Variants in GALNT18 observed in about 807,000 individuals in gnomAD.
GALNT18 encodes the protein GalNAc-transferase 18.
In GALNT18, 44 loss-of-function variants were observed where a neutral mutation model predicts 69.5. The observed-to-expected ratio is 0.63, with a 90% confidence interval of 0.50 to 0.81. The LOEUF (loss-of-function observed/expected upper bound fraction) is 0.81, where lower values mean the gene tolerates loss of function less well. Among genes scored for constraint, GALNT18 ranks in the 40% least tolerant of loss-of-function variants. The probability of loss-of-function intolerance (pLI) is 0.00; values close to 1 mark genes in which losing one functional copy is unlikely to be tolerated. For missense variants in GALNT18, 715 were observed against 810.0 expected (o/e 0.88, Z 1.42); for synonymous variants, 364 against 318.2 (o/e 1.14, Z -1.53).
Position 11,621,713 on chromosome 11 carries a change from C to A in GALNT18, c.-120G>T. The A allele has an allele frequency of 1.4e-6, 1 of 713,258 alleles. No homozygotes were observed. The highest frequency in any genetic ancestry group is 2.3e-6 in the Non-Finnish European group (1 of 432,912). The allele number at this position is 713,258 out of a possible 1,614,324, so 44.2% of individuals were successfully genotyped here. A position where few individuals can be genotyped will look rare whatever the true frequency, so the allele number is the denominator to read the frequency against. On this transcript the variant is annotated 5_prime_UTR_variant, in exon 1 of 11. Coordinates refer to ENST00000227756, the MANE Select transcript of GALNT18 (RefSeq NM_198516.3). This position sits in a 1 kb window ranked among gnomAD's most constrained non-coding sequence, Gnocchi z 9.3. ...CCGCTGGGCACCTCAGCACCTGAGT[C>A]CCGAGGTTCTCCAAAGCCCGGTCCG...
chr11:11,463,901 A>G lies in GALNT18; in HGVS notation c.236-14965T>C, dbSNP rs1413444922. Among the ~76,000 whole-genome samples, 2 of 152,214 alleles carry G rather than the reference A, an allele frequency of 1.3e-5. No individual in the cohort carries two copies. The highest frequency in any genetic ancestry group is 2.4e-5 in the African/African-American group (1 of 41,448). ...CGGCGGAATGTGTGCAAAAACCGTCATGCTCATGATTTTGAAAGGGGGAAA... is the reference window on the plus strand; with the variant it reads ...CGGCGGAATGTGTGCAAAAACCGTCGTGCTCATGATTTTGAAAGGGGGAAA... On this transcript the variant is annotated intron_variant, in intron 1 of 10. Transcript: ENST00000227756. This position sits in a 1 kb window ranked among gnomAD's most constrained non-coding sequence, Gnocchi z 4.2.
At chr11:11,434,692 G>A (rs1855358197) in intron 2 of GALNT18, among the ~76,000 whole-genome samples, 1 of 152,144 alleles carries the variant, frequency 6.6e-6, no homozygotes, top group Non-Finnish European at 1.5e-5. Context: ...TGTGGCTGGA[G>A]AGGAGGGAAC....
At chr11:11,311,446 A>G (rs1849673151) in intron 9 of GALNT18, among the ~76,000 whole-genome samples, 1 of 152,044 alleles carries the variant, frequency 6.6e-6, no homozygotes, top group Non-Finnish European at 1.5e-5. Flanking sequence ...TGAATGGGGG[A>G]ATGAATTATA....
chr11:11,442,084 G>C (rs1038118184), intron 2 of GALNT18, among the ~76,000 whole-genome samples: 6 of 152,148 alleles, frequency 3.9e-5, no homozygotes, highest in Non-Finnish European at 7.4e-5. Context: ...GGCTGGAATC[G>C]GGGTGTGCAG....
At chr11:11,301,168 G>A (rs1472040883) in intron 9 of GALNT18, among the ~76,000 whole-genome samples, 2 of 152,182 alleles carry the variant, frequency 1.3e-5, no homozygotes, top group African/African-American at 4.8e-5. Flanking sequence ...TCTTGAGTCT[G>A]ATCAATAGGT....
rs17365816 is a variant in GALNT18, at chr11:11,421,227, G to A, written c.595+11394C>T. 0.031 allele frequency among the ~76,000 whole-genome samples: 4,674 copies of A among 152,230 alleles called. 105 individuals carry two copies. The highest frequency in any genetic ancestry group is 0.092 in the Middle Eastern group (27 of 294). Reference sequence around the variant, plus strand: ...GGTGCAGCATGTTGGGACCTCAGCAGAGAGGCCGGTGAGAGCAGAGAAGAG... The same window carrying A: ...GGTGCAGCATGTTGGGACCTCAGCAAAGAGGCCGGTGAGAGCAGAGAAGAG... On this transcript the variant is annotated intron_variant, in intron 3 of 10. Coordinates refer to ENST00000227756, the MANE Select transcript of GALNT18 (RefSeq NM_198516.3). This position sits in a 1 kb window ranked among gnomAD's most constrained non-coding sequence, Gnocchi z 5.6.
At chr11:11,473,631 G>C (rs933922671) in intron 1 of GALNT18, among the ~76,000 whole-genome samples, 1 of 151,888 alleles carries the variant, frequency 6.6e-6, no homozygotes, top group Admixed American at 6.6e-5. Flanking sequence ...GGCAGCAGCA[G>C]GGCTGTCTTT....
intron 6 of GALNT18, among the ~76,000 whole-genome samples, chr11:11,346,882 T>C (rs1023652492): frequency 1.3e-5 from 2 of 152,198 alleles, no homozygotes; most frequent in African/African-American, 2.4e-5. Context: ...GTTTAAATCC[T>C]GGCTCTGTCA....
Position 11,377,420 on chromosome 11 carries a change from A to C in GALNT18, c.780-41T>G. On this transcript the variant is annotated intron_variant, in intron 4 of 10. Coordinates refer to ENST00000227756, the MANE Select transcript of GALNT18 (RefSeq NM_198516.3). The surrounding 1 kb of genome is among the most constrained non-coding windows in gnomAD (Gnocchi z 4.6). ...ACAGCCAGAGAGGGTAACCATTTCCAAGGTGGAAAAATCCAGAGTAGCATC... is the reference window on the plus strand; with the variant it reads ...ACAGCCAGAGAGGGTAACCATTTCCCAGGTGGAAAAATCCAGAGTAGCATC... 1 of 1,590,698 alleles carries C rather than the reference A, an allele frequency of 6.3e-7. No individual in the cohort carries two copies. Among genetic ancestry groups the C allele is most frequent in the South Asian group, 1.1e-5 (1 of 90,464 alleles).
chr11:11,524,151 C>T lies in GALNT18; in HGVS notation c.236-75215G>A, dbSNP rs113899407. Among the ~76,000 whole-genome samples, 1,160 of 152,242 alleles carry T rather than the reference C, an allele frequency of 7.6e-3. 12 individuals are homozygous for T. Among genetic ancestry groups the T allele is most frequent in the African/African-American group, 0.027 (1,110 of 41,512 alleles). ...TTATCTAGTAGAAGCCTGTTCTGAT[C>T]AGCCTCTCTTCCTACCAAGACTCAA... On this transcript the variant is annotated intron_variant, in intron 1 of 10. Transcript: ENST00000227756.
At chr11:11,418,361 A>G (rs1200377858) in intron 3 of GALNT18, among the ~76,000 whole-genome samples, 1 of 152,274 alleles carries the variant, frequency 6.6e-6, no homozygotes, top group Non-Finnish European at 1.5e-5. Flanking sequence ...TGCCTGGCAC[A>G]GTGCTTGGAA....
In GALNT18 at chr11:11,435,531, C is replaced by T. The variant is rs1470209932; in HGVS notation, c.429-2744G>A. On this transcript the variant is annotated intron_variant, in intron 2 of 10. Transcript: ENST00000227756. This position sits in a 1 kb window ranked among gnomAD's most constrained non-coding sequence, Gnocchi z 4.4. ...AACACATTCTCTAGGGCATCACATTCGAACCTGTTTATTGTCTGCCCCTCT... is the reference window on the plus strand; with the variant it reads ...AACACATTCTCTAGGGCATCACATTTGAACCTGTTTATTGTCTGCCCCTCT... Among the ~76,000 whole-genome samples, 1 of 152,170 alleles carries T rather than the reference C, an allele frequency of 6.6e-6. No homozygotes were observed. The highest frequency in any genetic ancestry group is 2.4e-5 in the African/African-American group (1 of 41,442).
chr11:11,407,829 G>A (rs7128890), intron 3 of GALNT18, among the ~76,000 whole-genome samples: 77,987 of 152,096 alleles, frequency 0.51, 20,886 homozygotes, highest in Non-Finnish European at 0.6. Flanking sequence ...AGTAAAGAGC[G>A]GCAAGCCATG....
intron 1 of GALNT18, among the ~76,000 whole-genome samples, chr11:11,557,942 T>C (rs1272414048): frequency 6.6e-6 from 1 of 152,198 alleles, no homozygotes; most frequent in African/African-American, 2.4e-5. Context: ...AAGAACGAAT[T>C]CAGCTGCGAG....
At chr11:11,501,291 CTG>C (rs1176146894) in intron 1 of GALNT18, among the ~76,000 whole-genome samples, 1 of 152,178 alleles carries the variant, frequency 6.6e-6, no homozygotes, top group East Asian at 1.9e-4. Context: ...TTTTGAAACT[CTG>C]TAACTATTTA....
chr11:11,294,324 T>A (rs1284968585), intron 9 of GALNT18, among the ~76,000 whole-genome samples: 1 of 152,218 alleles, frequency 6.6e-6, no homozygotes, highest in Admixed American at 6.5e-5. Flanking sequence ...TACTGGGGGC[T>A]GTCACATAGG....
intron 1 of GALNT18, among the ~76,000 whole-genome samples, chr11:11,569,577 G>T (rs1858735887): frequency 6.6e-6 from 1 of 152,188 alleles, no homozygotes; most frequent in African/African-American, 2.4e-5. Flanking sequence ...CGTTTGAGTG[G>T]ACCCATATTC....
intron 9 of GALNT18, among the ~76,000 whole-genome samples, chr11:11,325,039 A>T (rs1849895359): frequency 6.6e-6 from 1 of 152,268 alleles, no homozygotes; most frequent in Non-Finnish European, 1.5e-5. Context: ...CATTATATGA[A>T]AAAGATGCAT....
chr11:11,522,562 G>A (rs1220525380), intron 1 of GALNT18, among the ~76,000 whole-genome samples: 3 of 152,196 alleles, frequency 2.0e-5, no homozygotes, highest in African/African-American at 7.2e-5. Flanking sequence ...AACAAGCAGA[G>A]GGAAGACCTC....
Sources: allele counts gnomAD v4.1 joint callset (sites outside exome capture counted in the v4.1 genomes callset), GRCh38; gene constraint gnomAD v4.1.1; non-coding constraint Gnocchi (gnomAD v3.1); transcripts MANE v1.5; gene names NCBI Gene and HGNC (gene_info 2026-07-23, HGNC 2026-07-21).